Variants in EYS observed in about 807,000 individuals in gnomAD.
The protein encoded by EYS is protein eyes shut homolog.
A neutral mutation model predicts 282.1 loss-of-function variants in EYS; 250 were observed. That is an observed-to-expected ratio of 0.89 (90% CI 0.80 to 0.98). The LOEUF (loss-of-function observed/expected upper bound fraction) is 0.98. Ranked by LOEUF, EYS falls within the 50% of genes least tolerant of loss-of-function variation. The pLI, the probability that EYS is intolerant of heterozygous loss-of-function variation, is 0.00. For missense variants in EYS, 4,016 were observed against 3,709.0 expected, an observed-to-expected ratio of 1.08 and a Z score of -2.15; for synonymous variants, 1,355 against 1,282.9, an observed-to-expected ratio of 1.06 and a Z score of -1.20.
chr6:64,839,136 C>G (rs1765483612), intron 19 of EYS, among the ~76,000 whole-genome samples: 2 of 151,928 alleles, frequency 1.3e-5, no homozygotes, highest in African/African-American at 4.8e-5. Flanking sequence ...GAGATCTGCC[C>G]TTATTTCTGC....
intron 12 of EYS, among the ~76,000 whole-genome samples, chr6:65,269,922 C>T (rs1484410820): frequency 2.6e-5 from 4 of 152,136 alleles, no homozygotes; most frequent in Non-Finnish European, 4.4e-5. Flanking sequence ...CAATTCATAA[C>T]TTTCTATTCT....
At chr6:64,594,599 C>T (rs556953324) in intron 24 of EYS, among the ~76,000 whole-genome samples, 1 of 149,932 alleles carries the variant, frequency 6.7e-6, no homozygotes, top group Non-Finnish European at 1.5e-5. Context: ...GGACAAAAAA[C>T]CAAACACTGC....
chr6:64,535,359 T>C (rs1290546007), intron 26 of EYS, among the ~76,000 whole-genome samples: 1 of 152,104 alleles, frequency 6.6e-6, no homozygotes, highest in Admixed American at 6.6e-5. Context: ...AAACCAGGCA[T>C]TAAGTAACTC....
intron 13 of EYS, among the ~76,000 whole-genome samples, chr6:65,016,080 A>AG (rs1167683193): frequency 1.7e-4 from 25 of 150,244 alleles, no homozygotes; most frequent in African/African-American, 6.1e-4. Context: ...AGAAAAAAAA[A>AG]AAAACAGGCG....
intron 29 of EYS, among the ~76,000 whole-genome samples, chr6:64,351,911 TTACTA>T (rs1162325118): frequency 6.6e-6 from 1 of 151,618 alleles, no homozygotes; most frequent in Non-Finnish European, 1.5e-5. Context: ...TTTTGATTAT[TTACTA>T]TATCAGGGAA....
At position 64,293,755 on chromosome 6, in the gene EYS, A is replaced by G. The variant is rs184087459; in HGVS notation, c.6191+13215T>C. On this transcript the variant is annotated intron_variant, in intron 30 of 42. Transcript: ENST00000503581. ...TCTGACTTATAAGTATTACTATTCCATTTTATTTATTACATTTTTAAACGT... is the reference window on the plus strand; with the variant it reads ...TCTGACTTATAAGTATTACTATTCCGTTTTATTTATTACATTTTTAAACGT... Among the ~76,000 whole-genome samples the G allele has an allele frequency of 7.9e-5, 12 of 152,098 alleles. No homozygotes were observed. In the East Asian group the frequency reaches 2.1e-3, roughly 27 times the overall value.
chr6:64,299,292 G>T (rs1247835626), intron 30 of EYS, among the ~76,000 whole-genome samples: 1 of 152,226 alleles, frequency 6.6e-6, no homozygotes, highest in Admixed American at 6.5e-5. Flanking sequence ...CAAAGCCTTT[G>T]TCATTAAATC....
At chr6:64,393,403 T>C (rs1312497909) in intron 28 of EYS, among the ~76,000 whole-genome samples, 1 of 152,100 alleles carries the variant, frequency 6.6e-6, no homozygotes, top group African/African-American at 2.4e-5. Flanking sequence ...GCAAAACGAA[T>C]CCAGCAACAC....
chr6:64,106,447 T>C (rs1431620226), intron 31 of EYS, among the ~76,000 whole-genome samples: 1 of 152,152 alleles, frequency 6.6e-6, no homozygotes, highest in African/African-American at 2.4e-5. Context: ...GTGTTTTTTT[T>C]CTGAACACTT....
At chr6:64,337,385 A>T (rs941694856) in intron 29 of EYS, among the ~76,000 whole-genome samples, 2 of 152,066 alleles carry the variant, frequency 1.3e-5, no homozygotes, top group Non-Finnish European at 2.9e-5. Context: ...CCTAGAAGAG[A>T]TGAATAAATT....
intron 19 of EYS, among the ~76,000 whole-genome samples, chr6:64,868,419 C>T (rs989181231): frequency 6.6e-6 from 1 of 151,494 alleles, no homozygotes; most frequent in Non-Finnish European, 1.5e-5. Flanking sequence ...TCTGTTACAG[C>T]TTCGTTATAC....
At chr6:64,574,539 G>C (rs958593421) in intron 26 of EYS, among the ~76,000 whole-genome samples, 10 of 152,032 alleles carry the variant, frequency 6.6e-5, no homozygotes, top group Admixed American at 5.2e-4. Flanking sequence ...AGAGTCTCAG[G>C]GTAAGAAGAT....
At chr6:65,391,606 C>T (rs911641061) in intron 7 of EYS, among the ~76,000 whole-genome samples, 2 of 152,116 alleles carry the variant, frequency 1.3e-5, no homozygotes, top group African/African-American at 4.8e-5. Flanking sequence ...AGGATTCCAA[C>T]TTACAAGGGA....
intron 1 of EYS, among the ~76,000 whole-genome samples, chr6:65,645,247 C>T (rs1347324180): frequency 1.3e-5 from 2 of 152,094 alleles, no homozygotes; most frequent in African/African-American, 2.4e-5. Flanking sequence ...TGTTCATCAG[C>T]ATATGGAACA....
chr6:63,968,672 C>A (rs993549136), intron 35 of EYS, among the ~76,000 whole-genome samples: 1 of 152,188 alleles, frequency 6.6e-6, no homozygotes, highest in Non-Finnish European at 1.5e-5. Context: ...AGAGGTTTCT[C>A]GAAACTCTAA....
At chr6:63,788,735 A>G (rs887575815) in intron 38 of EYS, among the ~76,000 whole-genome samples, 5 of 152,146 alleles carry the variant, frequency 3.3e-5, no homozygotes, top group East Asian at 3.9e-4. Flanking sequence ...CCTAAAAACC[A>G]TGCTGAACTA....
intron 29 of EYS, among the ~76,000 whole-genome samples, chr6:64,346,868 C>T (rs1195941576): frequency 4.0e-5 from 6 of 151,194 alleles, no homozygotes; most frequent in Non-Finnish European, 7.4e-5. Context: ...AATGAAAAAA[C>T]CTACACTTCT....
rs1393343998 is a variant in EYS at position 63,999,130 on chromosome 6, G to A, written c.6779C>T (p.Ala2260Val). The change falls in exon 34 of 43, where the codon GCA (alanine) becomes GTA (valine). Residue 2260 changes from alanine to valine, a missense_variant. By Grantham distance (64) the Ala-to-Val change is moderately conservative (BLOSUM62 0). Transcript: ENST00000503581. ...PGVVCMIEMT[A>V]DGKPPVQKKD... ...CTTCTGTACTGGAGGTTTTCCATCT[G>A]CAGTCATTTCAATCATACAAACAAC... The A allele has an allele frequency of 3.2e-6, 5 of 1,551,732 alleles. 1 individual carries two copies. The South Asian group carries it at 5.9e-5, about 18-fold the overall frequency.
At chr6:64,018,822 T>C (rs1430571869) in intron 33 of EYS, among the ~76,000 whole-genome samples, 1 of 132,658 alleles carries the variant, frequency 7.5e-6, no homozygotes, top group Non-Finnish European at 1.5e-5. Flanking sequence ...TTGCCCAGGC[T>C]GGAGTGCAAT....
Sources: allele counts gnomAD v4.1 joint callset (sites outside exome capture counted in the v4.1 genomes callset), GRCh38; gene constraint gnomAD v4.1.1; transcripts MANE v1.5; gene names NCBI Gene and HGNC (gene_info 2026-07-23, HGNC 2026-07-21).